MATCAP2: variants seen among roughly 807,000 people sequenced by gnomAD.
The protein encoded by MATCAP2 is microtubule associated tyrosine carboxypeptidase 2, also known as putative tyrosine carboxypeptidase MATCAP2.
the MATCAP2 span, among the ~76,000 whole-genome samples, chr7:36,338,783 T>C: frequency 2.0e-5 from 3 of 152,248 alleles, no homozygotes; most frequent in Non-Finnish European, 2.9e-5. Flanking sequence ...GGTGGCCACC[T>C]ATGAGACTTC....
chr7:36,336,271 TAA>T, the MATCAP2 span: 3 of 1,531,228 alleles, frequency 2.0e-6, no homozygotes. Flanking sequence ...CATATTTCTG[TAA>T]AGTCAGTTCC....
At chr7:36,337,468 A>C in the MATCAP2 span, among the ~76,000 whole-genome samples, 1 of 152,142 alleles carries the variant, frequency 6.6e-6, no homozygotes, top group Non-Finnish European at 1.5e-5. Context: ...ATTCAACTCT[A>C]TCTTACATGA....
the MATCAP2 span, among the ~76,000 whole-genome samples, chr7:36,341,987 G>T: frequency 6.6e-6 from 1 of 152,118 alleles, no homozygotes; most frequent in South Asian, 2.1e-4. Context: ...CTGGAAAATG[G>T]TCTAGAATTT....
the MATCAP2 span, among the ~76,000 whole-genome samples, chr7:36,349,012 G>C: frequency 1.3e-5 from 2 of 152,222 alleles, no homozygotes; most frequent in Non-Finnish European, 2.9e-5. Flanking sequence ...TGTGGATAAA[G>C]ACAAACAAGA....
At chr7:36,351,944 A>G in the MATCAP2 span, among the ~76,000 whole-genome samples, 16 of 124,138 alleles carry the variant, frequency 1.3e-4, no homozygotes, top group Non-Finnish European at 2.6e-4. Flanking sequence ...AGATTGTTAA[A>G]AAAAAAAAAA....
At chr7:36,346,996 T>C in the MATCAP2 span, among the ~76,000 whole-genome samples, 2 of 152,100 alleles carry the variant, frequency 1.3e-5, no homozygotes, top group African/African-American at 2.4e-5. Flanking sequence ...CCTGACCTCA[T>C]GATCCACCCA....
the MATCAP2 span, among the ~76,000 whole-genome samples, chr7:36,381,791 G>A: frequency 6.6e-6 from 1 of 152,126 alleles, no homozygotes; most frequent in African/African-American, 2.4e-5. Context: ...AACTGGGATG[G>A]TGTCAGACTC....
At chr7:36,383,068 T>C in the MATCAP2 span, among the ~76,000 whole-genome samples, 1 of 152,194 alleles carries the variant, frequency 6.6e-6, no homozygotes, top group Non-Finnish European at 1.5e-5. Flanking sequence ...AAGCACAATA[T>C]GTTCATGCTC....
chr7:36,359,248 G>T, the MATCAP2 span, among the ~76,000 whole-genome samples: 1 of 152,326 alleles, frequency 6.6e-6, no homozygotes, highest in South Asian at 2.1e-4. Context: ...TGTCACAACT[G>T]GGGAGAGGGT....
At chr7:36,338,978 T>C in the MATCAP2 span, among the ~76,000 whole-genome samples, 1 of 152,232 alleles carries the variant, frequency 6.6e-6, no homozygotes, top group Non-Finnish European at 1.5e-5. Flanking sequence ...ACCAAACCAA[T>C]GCATTCCTCA....
At chr7:36,364,209 T>C in the MATCAP2 span, among the ~76,000 whole-genome samples, 1 of 152,092 alleles carries the variant, frequency 6.6e-6, no homozygotes, top group East Asian at 1.9e-4. Flanking sequence ...TGCCTCAGCC[T>C]TCCAAGTAGC....
the MATCAP2 span, among the ~76,000 whole-genome samples, chr7:36,337,098 C>CAAAAAAAA: frequency 0.053 from 979 of 18,516 alleles, 309 homozygotes; most frequent in Middle Eastern, 0.083. Flanking sequence ...AACTCCATCT[C>CAAAAAAAA]AAAAAAAAAA....
the MATCAP2 span, among the ~76,000 whole-genome samples, chr7:36,334,676 T>A: frequency 6.6e-6 from 1 of 152,084 alleles, no homozygotes; most frequent in Non-Finnish European, 1.5e-5. Flanking sequence ...GGATCACATG[T>A]CTCAAGAGAG....
the MATCAP2 span, among the ~76,000 whole-genome samples, chr7:36,352,868 C>T: frequency 2.6e-5 from 4 of 151,428 alleles, no homozygotes; most frequent in African/African-American, 9.7e-5. Context: ...TAGTAAATTA[C>T]GACTTTGTTC....
At chr7:36,359,670 A>G in the MATCAP2 span, among the ~76,000 whole-genome samples, 1 of 152,218 alleles carries the variant, frequency 6.6e-6, no homozygotes, top group Non-Finnish European at 1.5e-5. Flanking sequence ...AATAAATGTT[A>G]AAGACTCAAC....
chr7:36,389,159 C>A, the MATCAP2 span, among the ~76,000 whole-genome samples: 1 of 152,028 alleles, frequency 6.6e-6, no homozygotes, highest in Non-Finnish European at 1.5e-5. Context: ...GGTCCCAGTT[C>A]AAGCAATTCT....
chr7:36,387,371 G>A, the MATCAP2 span, among the ~76,000 whole-genome samples: 1 of 151,950 alleles, frequency 6.6e-6, no homozygotes, highest in Non-Finnish European at 1.5e-5. Context: ...GCTGGTATAT[G>A]GTTATGTTTT....
chr7:36,326,796 A>G, the MATCAP2 span: 4 of 1,613,588 alleles, frequency 2.5e-6, no homozygotes, highest in African/African-American at 5.3e-5. Context: ...CAGTCAGTTC[A>G]TTCACTTCCA....
chr7:36,389,822 G>C, the MATCAP2 span: 1 of 959,624 alleles, frequency 1.0e-6, no homozygotes, highest in Non-Finnish European at 1.5e-6. Context: ...CATGCTCGCG[G>C]CTCGGCGCTG....
Sources: gnomAD v4.1 joint callset for allele counts (sites outside exome capture counted in the v4.1 genomes callset) on GRCh38, gnomAD v4.1.1 for gene constraint, MANE v1.5 for transcripts, NCBI Gene and HGNC (gene_info 2026-07-23, HGNC 2026-07-21) for gene names.